HCRTR2: variants seen among roughly 807,000 people sequenced by gnomAD.
The protein encoded by HCRTR2 is hypocretin receptor 2, also known as orexin receptor type 2.
A neutral mutation model predicts 49.0 loss-of-function variants in HCRTR2; 22 were observed. The observed-to-expected ratio is 0.45, with a 90% CI of 0.32 to 0.64. HCRTR2 has a LOEUF of 0.64. HCRTR2 is among the 30% of genes least tolerant of loss of function. The probability of loss-of-function intolerance (pLI) is 0.04; values close to 1 mark genes in which losing one functional copy is unlikely to be tolerated. For synonymous variants in HCRTR2, 236 were observed against 205.3 expected (o/e 1.15, Z -1.28); for missense variants, 491 against 559.4 (o/e 0.88, Z 1.23).
At chr6:55,163,255 C>CAAACA (rs56869294) in intron 1 of HCRTR2, among the ~76,000 whole-genome samples, 3 of 111,170 alleles carry the variant, frequency 2.7e-5, no homozygotes, top group East Asian at 2.3e-4. Context: ...AACAAACAAA[C>CAAACA]AACAAAAAAA....
chr6:55,142,887 T>C (rs1264946858), intron 1 of HCRTR2, among the ~76,000 whole-genome samples: 2 of 151,712 alleles, frequency 1.3e-5, no homozygotes, highest in African/African-American at 4.8e-5. Context: ...AGAAATAACA[T>C]TTTGAATTGT....
At chr6:55,111,986 A>G (rs1764054340) in intron 1 of HCRTR2, among the ~76,000 whole-genome samples, 1 of 152,104 alleles carries the variant, frequency 6.6e-6, no homozygotes, top group African/African-American at 2.4e-5. Flanking sequence ...GGAATGGTTT[A>G]ACATATGCAA....
intron 2 of HCRTR2, among the ~76,000 whole-genome samples, chr6:55,250,224 G>A (rs1343148500): frequency 6.6e-6 from 1 of 152,018 alleles, no homozygotes; most frequent in African/African-American, 2.4e-5. Flanking sequence ...ATTACAAAAC[G>A]AACAGTAGCA....
At chr6:55,221,099 C>G (rs1414300757) in intron 1 of HCRTR2, among the ~76,000 whole-genome samples, 1 of 151,942 alleles carries the variant, frequency 6.6e-6, no homozygotes, top group Non-Finnish European at 1.5e-5. Context: ...GGTTAGAAAA[C>G]TCGATATTGT....
At chr6:55,181,787 T>C (rs1312194601) in intron 1 of HCRTR2, among the ~76,000 whole-genome samples, 1 of 152,226 alleles carries the variant, frequency 6.6e-6, no homozygotes, top group Non-Finnish European at 1.5e-5. Flanking sequence ...TGTAATTATC[T>C]TTTACTGGTC....
At chr6:55,260,358 C>T (rs1766731581) in intron 3 of HCRTR2, among the ~76,000 whole-genome samples, 1 of 152,198 alleles carries the variant, frequency 6.6e-6, no homozygotes, top group Non-Finnish European at 1.5e-5. Context: ...GCTGAGATCA[C>T]TTTCAGATTC....
chr6:55,255,307 G>A lies in HCRTR2; in HGVS notation c.574G>A (p.Glu192Lys). Reference sequence around the variant, plus strand: ...AATGATTCCTCAGGCCATCGTCATGGAGTGCAGCACCGTGTTCCCAGGCTT... The same window carrying A: ...AATGATTCCTCAGGCCATCGTCATGAAGTGCAGCACCGTGTTCCCAGGCTT... ...IIMIPQAIVM[E>K]CSTVFPGLAN... The change falls in exon 3 of 7, where the codon GAG (glutamate) becomes AAG (lysine). Residue 192 changes from glutamate to lysine, a missense_variant. Transcript: ENST00000370862. 1 of 1,614,026 alleles carries A rather than the reference G, an allele frequency of 6.2e-7. No homozygotes were observed. Among genetic ancestry groups the A allele is most frequent in the Non-Finnish European group, 8.5e-7 (1 of 1,179,952 alleles).
chr6:55,253,777 A>G (rs1221231557), intron 2 of HCRTR2, among the ~76,000 whole-genome samples: 1 of 152,204 alleles, frequency 6.6e-6, no homozygotes, highest in Non-Finnish European at 1.5e-5. Flanking sequence ...AAATGCAGGA[A>G]CAGAAAAGCA....
chr6:55,155,900 A>C (rs1764724498), intron 1 of HCRTR2, among the ~76,000 whole-genome samples: 1 of 151,916 alleles, frequency 6.6e-6, no homozygotes, highest in African/African-American at 2.4e-5. Flanking sequence ...AAAATGACTA[A>C]TTTTGTGACC....
intron 1 of HCRTR2, among the ~76,000 whole-genome samples, chr6:55,168,426 A>G (rs1295795529): frequency 6.6e-6 from 1 of 152,214 alleles, no homozygotes; most frequent in Non-Finnish European, 1.5e-5. Context: ...TGGAAACAGA[A>G]TAGAGTAACA....
intron 2 of HCRTR2, among the ~76,000 whole-genome samples, chr6:55,250,082 G>GA (rs1766519447): frequency 6.6e-6 from 1 of 152,166 alleles, no homozygotes; most frequent in Non-Finnish European, 1.5e-5. Flanking sequence ...AAAAAGAAGT[G>GA]AAAAATTTTT....
At chr6:55,132,976 T>C (rs551217346) in intron 1 of HCRTR2, among the ~76,000 whole-genome samples, 1 of 151,870 alleles carries the variant, frequency 6.6e-6, no homozygotes, top group South Asian at 2.1e-4. Context: ...TAGTGTTTTG[T>C]GCAGTTATAT....
chr6:55,274,280 T>A (rs1246385898), intron 4 of HCRTR2, among the ~76,000 whole-genome samples: 2 of 147,334 alleles, frequency 1.4e-5, no homozygotes, highest in Admixed American at 6.8e-5. Flanking sequence ...TACTTATACA[T>A]ATATTTTATG....
At chr6:55,139,402 C>A (rs1260092639) in intron 1 of HCRTR2, among the ~76,000 whole-genome samples, 2 of 151,936 alleles carry the variant, frequency 1.3e-5, no homozygotes, top group Admixed American at 1.3e-4. Flanking sequence ...CCCTATCTAT[C>A]TGAGATTCAA....
chr6:55,189,657 G>T (rs1484379494), intron 1 of HCRTR2, among the ~76,000 whole-genome samples: 1 of 152,134 alleles, frequency 6.6e-6, no homozygotes, highest in Non-Finnish European at 1.5e-5. Context: ...ATGGGAGGGA[G>T]ACCATCAGGA....
At chr6:55,137,936 G>A (rs139258203) in intron 1 of HCRTR2, among the ~76,000 whole-genome samples, 1 of 152,192 alleles carries the variant, frequency 6.6e-6, no homozygotes, top group East Asian at 1.9e-4. Context: ...TAAAAATGTG[G>A]CCATAGGAAC....
At chr6:55,276,770 G>A (rs1254714118) in intron 4 of HCRTR2, among the ~76,000 whole-genome samples, 1 of 152,142 alleles carries the variant, frequency 6.6e-6, no homozygotes, top group African/African-American at 2.4e-5. Context: ...ATTTTAAAGG[G>A]CTGGACCACA....
intron 3 of HCRTR2, among the ~76,000 whole-genome samples, chr6:55,259,237 G>A (rs903546170): frequency 1.3e-5 from 2 of 150,984 alleles, no homozygotes; most frequent in African/African-American, 4.9e-5. Context: ...AAAAAAAAAT[G>A]GAACCATTTT....
At chr6:55,184,192 G>A (rs1291208684) in intron 1 of HCRTR2, among the ~76,000 whole-genome samples, 2 of 152,178 alleles carry the variant, frequency 1.3e-5, no homozygotes, top group Non-Finnish European at 2.9e-5. Flanking sequence ...GCCTCCCAAA[G>A]TGCTAGGATT....
Sources: allele counts gnomAD v4.1 joint callset (sites outside exome capture counted in the v4.1 genomes callset), GRCh38; gene constraint gnomAD v4.1.1; transcripts MANE v1.5; gene names NCBI Gene and HGNC (gene_info 2026-07-23, HGNC 2026-07-21).